The following PCDH15 variants were observed in gnomAD, a reference collection of about 807,000 sequenced individuals.
PCDH15 encodes protocadherin related 15.
In PCDH15, 129 loss-of-function variants were observed where a neutral mutation model predicts 178.5. The observed-to-expected ratio is 0.72, with a 90% confidence interval of 0.63 to 0.84. The LOEUF is 0.84. Among genes scored for constraint, PCDH15 ranks in the 40% least tolerant of loss-of-function variants. The pLI is 0.00. For missense variants in PCDH15, 2,230 were observed against 2,099.9 expected (o/e 1.06, Z -1.21); for synonymous variants, 800 against 732.0 (o/e 1.09, Z -1.50).
chr10:54,575,916 A>G (rs186561353), intron 2 of PCDH15, among the ~76,000 whole-genome samples: 1 of 152,286 alleles, frequency 6.6e-6, no homozygotes, highest in East Asian at 1.9e-4. Context: ...ATTGCTAGGG[A>G]GTAACTACAG....
At chr10:55,084,981 T>C (rs1223544446) in intron 2 of PCDH15, among the ~76,000 whole-genome samples, 1 of 151,972 alleles carries the variant, frequency 6.6e-6, no homozygotes, top group East Asian at 1.9e-4. Flanking sequence ...TTGGTGGGAA[T>C]GTAAATTAGT....
At chr10:54,810,267 T>C (rs771292009) in intron 3 of PCDH15, among the ~76,000 whole-genome samples, 1 of 152,144 alleles carries the variant, frequency 6.6e-6, no homozygotes, top group Non-Finnish European at 1.5e-5. Context: ...ATCTCAGAAG[T>C]ATTGTTTTTA....
chr10:54,941,072 T>C (rs1802990811), intron 2 of PCDH15, among the ~76,000 whole-genome samples: 1 of 152,104 alleles, frequency 6.6e-6, no homozygotes, highest in Admixed American at 6.6e-5. Context: ...TTCTGTATGC[T>C]TTTTTGGGTC....
At chr10:53,977,201 C>G (rs1275466052) in intron 21 of PCDH15, among the ~76,000 whole-genome samples, 1 of 152,124 alleles carries the variant, frequency 6.6e-6, no homozygotes, top group East Asian at 1.9e-4. Context: ...GCTTTCTGTG[C>G]AGTGAGCAAC....
At chr10:54,260,294 A>T (rs2057215201) in intron 8 of PCDH15, among the ~76,000 whole-genome samples, 1 of 152,006 alleles carries the variant, frequency 6.6e-6, no homozygotes, top group South Asian at 2.1e-4. Flanking sequence ...CTAAATGTTT[A>T]ATTTTTTTTT....
At chr10:55,301,669 T>G (rs188430070) in intron 1 of PCDH15, among the ~76,000 whole-genome samples, 10 of 152,282 alleles carry the variant, frequency 6.6e-5, no homozygotes, top group Admixed American at 2.6e-4. Flanking sequence ...ACACTTTGCT[T>G]TGCTCTATTG....
rs1565170972 is a variant in PCDH15, at chr10:54,066,828, A to C, written c.2149T>G (p.Phe717Val). 6.2e-7 allele frequency: 1 copy of C among 1,613,552 alleles called. No homozygotes were observed. The highest frequency in any genetic ancestry group is 8.5e-7 in the Non-Finnish European group (1 of 1,179,626). ...VTDVNDNAPV[F>V]DPYLPRNLSV... ...AAATTTCTTGGCAGATAAGGATCAAACACTGGAGCATTGTCATTGACATCT... is the reference window on the plus strand; with the variant it reads ...AAATTTCTTGGCAGATAAGGATCAACCACTGGAGCATTGTCATTGACATCT... The change falls in exon 18 of 38, where the codon TTT (phenylalanine) becomes GTT (valine). Residue 717 changes from phenylalanine (F) to valine (V), a missense_variant. Physicochemically the swap from Phe to Val is conservative, Grantham distance 50 (BLOSUM62 -1). Transcript: ENST00000644397.
intron 2 of PCDH15, among the ~76,000 whole-genome samples, chr10:54,598,100 T>C (rs982064935): frequency 6.6e-6 from 1 of 151,932 alleles, no homozygotes; most frequent in Non-Finnish European, 1.5e-5. Context: ...TCCCCCACAA[T>C]TGAGAAGGGA....
At chr10:55,347,211 A>G (rs1217591052) in intron 2 of PCDH15, among the ~76,000 whole-genome samples, 1 of 151,946 alleles carries the variant, frequency 6.6e-6, no homozygotes, top group Non-Finnish European at 1.5e-5. Flanking sequence ...GGAGACTGGC[A>G]AATAAAAAAT....
chr10:54,549,754 T>C (rs981053722), intron 2 of PCDH15, among the ~76,000 whole-genome samples: 1 of 151,988 alleles, frequency 6.6e-6, no homozygotes, highest in Non-Finnish European at 1.5e-5. Flanking sequence ...TGCTAATCTA[T>C]CAATTGTTGA....
At chr10:54,206,839 C>G (rs781295796) in intron 10 of PCDH15, among the ~76,000 whole-genome samples, 7 of 151,950 alleles carry the variant, frequency 4.6e-5, no homozygotes, top group African/African-American at 7.3e-5. Context: ...AACGATTACT[C>G]GGGAACATAT....
upstream of PCDH15, among the ~76,000 whole-genome samples, chr10:55,320,264 C>T (rs192340769): frequency 7.9e-5 from 12 of 152,260 alleles, no homozygotes; most frequent in Middle Eastern, 3.4e-3. Flanking sequence ...CACCACTTGG[C>T]CATTGCTGGC....
At position 53,809,606 on chromosome 10, in the gene PCDH15, G is replaced by A. The variant is rs918389913; in HGVS notation, c.4671+950C>T. The A allele has an allele frequency of 3.5e-5, 53 of 1,498,580 alleles. No individual in the cohort carries two copies. The South Asian group carries it at 6.1e-4, about 17-fold the overall frequency. 92.8% of individuals were successfully genotyped at this position (1,498,580 alleles called of 1,614,324 possible). On this transcript the variant is annotated intron_variant, in intron 37 of 37. Coordinates refer to ENST00000644397, the MANE Select transcript of PCDH15 (RefSeq NM_001384140.1). Reference sequence around the variant, plus strand: ...TTGGAGATAGCTATGGTATGACCTTGTCCCACGAAAGCTACGCAGGAATGA... The same window carrying A: ...TTGGAGATAGCTATGGTATGACCTTATCCCACGAAAGCTACGCAGGAATGA...
At chr10:55,304,389 A>AT (rs1843365293) in intron 1 of PCDH15, among the ~76,000 whole-genome samples, 2 of 152,140 alleles carry the variant, frequency 1.3e-5, no homozygotes, top group African/African-American at 2.4e-5. Context: ...ACTGTTAATT[A>AT]TTTGAGTTCC....
intron 2 of PCDH15, among the ~76,000 whole-genome samples, chr10:55,122,479 G>C (rs895299989): frequency 6.6e-6 from 1 of 152,022 alleles, no homozygotes; most frequent in Non-Finnish European, 1.5e-5. Flanking sequence ...GACTTGCTAA[G>C]TTTAAATATA....
At chr10:55,483,358 T>G (rs1009427043) in intron 2 of PCDH15, among the ~76,000 whole-genome samples, 1 of 151,800 alleles carries the variant, frequency 6.6e-6, no homozygotes, top group East Asian at 2.0e-4. Context: ...AGCTAATAAT[T>G]ATATTTAGAA....
At chr10:55,153,123 A>G (rs763213530) in intron 2 of PCDH15, among the ~76,000 whole-genome samples, 3 of 152,212 alleles carry the variant, frequency 2.0e-5, no homozygotes, top group Non-Finnish European at 4.4e-5. Context: ...AAGACGTATC[A>G]TTTAACTGAT....
chr10:55,618,904 G>A (rs560285383), intron 2 of PCDH15, among the ~76,000 whole-genome samples: 9 of 152,088 alleles, frequency 5.9e-5, no homozygotes, highest in African/African-American at 2.2e-4. Context: ...AATGTGCTTA[G>A]GCATGATGAC....
chr10:54,028,665 A>G (rs1166862501), intron 18 of PCDH15, among the ~76,000 whole-genome samples: 13 of 149,020 alleles, frequency 8.7e-5, no homozygotes, highest in African/African-American at 3.2e-4. Context: ...GGAAATCATC[A>G]TTCTCAGTAA....
Sources: gnomAD v4.1 joint callset for allele counts (sites outside exome capture counted in the v4.1 genomes callset) on GRCh38, gnomAD v4.1.1 for gene constraint, MANE v1.5 for transcripts, NCBI Gene and HGNC (gene_info 2026-07-23, HGNC 2026-07-21) for gene names.